The following ZBTB40 variants were observed in gnomAD, a reference collection of about 807,000 sequenced individuals.
The protein encoded by ZBTB40 is zinc finger and BTB domain containing 40, also known as zinc finger and BTB domain-containing protein 40.
ZBTB40 carries 60 observed loss-of-function variants against 117.5 expected under a neutral mutation model. The ratio of observed to expected loss-of-function variants is 0.51; its 90% CI spans 0.41 to 0.63. The LOEUF is 0.63. ZBTB40 is among the 30% of genes least tolerant of loss of function. ZBTB40 has a pLI of 0.00. For missense variants in ZBTB40, 1,287 were observed against 1,498.5 expected (o/e 0.86, Z 2.33); for synonymous variants, 525 against 577.1 (o/e 0.91, Z 1.29).
intron 1 of ZBTB40, among the ~76,000 whole-genome samples, chr1:22,443,635 AAT>A (rs1231396007): frequency 1.3e-5 from 2 of 152,218 alleles, no homozygotes; most frequent in African/African-American, 4.8e-5. Context: ...CTCTTACTTA[AAT>A]CTCTCCTGGA....
At chr1:22,505,219 G>A (rs1639046371) in intron 5 of ZBTB40, among the ~76,000 whole-genome samples, 1 of 152,178 alleles carries the variant, frequency 6.6e-6, no homozygotes, top group African/African-American at 2.4e-5. Context: ...TACATGTATT[G>A]AAATAATCCC....
chr1:22,511,985 G>T lies in ZBTB40; in HGVS notation c.2312G>T (p.Cys771Phe). ...AGCAAACAGGTGCAGTGTAAGGAGT[G>T]CAGTGAGACCAAGGATTCAAAGAAA... ...AKSKQVQCKECSETKDSKKEL... is the reference protein window; with the variant it reads ...AKSKQVQCKEFSETKDSKKEL... The change falls in exon 11 of 18, where the codon TGC becomes TTC. Residue 771 changes from cysteine to phenylalanine, a missense_variant. By Grantham distance (205) the Cys-to-Phe change is radical (BLOSUM62 -2). Coordinates refer to ENST00000375647, the MANE Select transcript of ZBTB40 (RefSeq NM_014870.4). The T allele has an allele frequency of 6.2e-7, 1 of 1,614,184 alleles. No individual in the cohort carries two copies. Among genetic ancestry groups the T allele is most frequent in the Non-Finnish European group, 8.5e-7 (1 of 1,180,048 alleles).
intron 3 of ZBTB40, among the ~76,000 whole-genome samples, chr1:22,494,279 A>T (rs1638713501): frequency 6.6e-6 from 1 of 152,260 alleles, no homozygotes; most frequent in East Asian, 1.9e-4. Flanking sequence ...ACCACCATCC[A>T]CTTGGAAGTA....
chr1:22,430,211 T>C (rs1318936758), intron 1 of ZBTB40, among the ~76,000 whole-genome samples: 1 of 152,202 alleles, frequency 6.6e-6, no homozygotes, highest in Non-Finnish European at 1.5e-5. Flanking sequence ...ACTTTGGTTT[T>C]TTGAGTTGGG....
rs143281208 is a variant in ZBTB40, at chr1:22,514,502, C to T, written c.2668+1372C>T. Among the ~76,000 whole-genome samples the T allele has an allele frequency of 1.6e-4, 25 of 152,242 alleles. 1 individual carries two copies. The highest frequency in any genetic ancestry group is 2.2e-4 in the Non-Finnish European group (15 of 68,002). ...TAGCTTTCTGGCCAGGCCTCAGGCC[C>T]GCAGGCACCTGCTCCAGGACCTTTA... is the stretch of plus-strand genomic sequence containing the variant. On this transcript the variant is annotated intron_variant, in intron 12 of 17. Transcript: ENST00000375647.
At chr1:22,439,087 C>T (rs57733295) in intron 1 of ZBTB40, among the ~76,000 whole-genome samples, 3,110 of 152,162 alleles carry the variant, frequency 0.02, 78 homozygotes, top group Admixed American at 0.064. Context: ...AGGCTGGTCT[C>T]GAACTCCTGA....
At chr1:22,455,067 CTA>C in intron 1 of ZBTB40, among the ~76,000 whole-genome samples, 1 of 152,248 alleles carries the variant, frequency 6.6e-6, no homozygotes, top group Middle Eastern at 3.4e-3. Flanking sequence ...CAAATGGCAT[CTA>C]ATTTTTTTAA....
At chr1:22,498,452 C>T (rs2124440409) in intron 3 of ZBTB40, among the ~76,000 whole-genome samples, 1 of 152,328 alleles carries the variant, frequency 6.6e-6, no homozygotes, top group South Asian at 2.1e-4. Flanking sequence ...AGTGTTGGCA[C>T]TGGTGTAGGT....
At chr1:22,449,755 C>T (rs1043539877), upstream of ZBTB40, among the ~76,000 whole-genome samples, 1 of 152,198 alleles carries the variant, frequency 6.6e-6, no homozygotes, top group African/African-American at 2.4e-5. Flanking sequence ...CACTTGGTGG[C>T]CACTTTTCTT....
At chr1:22,486,512 G>A (rs1056150956) in intron 1 of ZBTB40, among the ~76,000 whole-genome samples, 3 of 152,206 alleles carry the variant, frequency 2.0e-5, no homozygotes, top group African/African-American at 7.2e-5. Context: ...AGCAAGAGGG[G>A]ATTTTTCTTC....
chr1:22,516,452 A>G (rs1334642334), intron 12 of ZBTB40, among the ~76,000 whole-genome samples: 2 of 125,270 alleles, frequency 1.6e-5, no homozygotes, highest in Non-Finnish European at 3.3e-5. Context: ...CAGATGGTGT[A>G]TGAGGCACTG....
At chr1:22,437,204 G>A (rs887380581) in intron 1 of ZBTB40, among the ~76,000 whole-genome samples, 1 of 152,100 alleles carries the variant, frequency 6.6e-6, no homozygotes, top group African/African-American at 2.4e-5. Flanking sequence ...AAACAGACAG[G>A]TGGATACAGA....
intron 1 of ZBTB40, among the ~76,000 whole-genome samples, chr1:22,470,852 A>G (rs1641387336): frequency 6.6e-6 from 1 of 152,208 alleles, no homozygotes; most frequent in Non-Finnish European, 1.5e-5. Flanking sequence ...AATGGTAAAG[A>G]CAGAGGCACC....
chr1:22,479,423 C>A, intron 1 of ZBTB40, among the ~76,000 whole-genome samples: 1 of 152,084 alleles, frequency 6.6e-6, no homozygotes, highest in South Asian at 2.1e-4. Context: ...TCAGCCTGAC[C>A]TGATAGTTTA....
intron 11 of ZBTB40, 75 bp from the exon 12 acceptor site, chr1:22,512,849 T>G: frequency 6.5e-7 from 1 of 1,546,728 alleles, no homozygotes; most frequent in Non-Finnish European, 8.9e-7. Context: ...GACAGTGCTC[T>G]TGGTATCCTG....
At position 22,522,429 on chromosome 1, in the gene ZBTB40, C is replaced by T; in HGVS notation, c.3264C>T (p.Ala1088=). Residue 1088 remains alanine (A), a synonymous_variant, in exon 16 of 18, where the codon GCC becomes GCT. Transcript: ENST00000375647. ...GTAAGGAGCTCTTCCCCACGCCAGC[C>T]TTGCTGCAGGTTCATGTCAAGTGCC... ...DQCKELFPTP[A]LLQVHVKCQH... is the part of the protein sequence containing the mutation. 6.2e-7 allele frequency: 1 copy of T among 1,614,218 alleles called. No individual in the cohort carries two copies. The highest frequency in any genetic ancestry group is 8.5e-7 in the Non-Finnish European group (1 of 1,180,034).
At chr1:22,507,604 C>G (rs1569862313) in intron 6 of ZBTB40, among the ~76,000 whole-genome samples, 1 of 152,312 alleles carries the variant, frequency 6.6e-6, no homozygotes, top group East Asian at 1.9e-4. Flanking sequence ...AACCACGGGT[C>G]AGCTTCACAC....
chr1:22,458,992 T>C (rs1388561355), intron 1 of ZBTB40, among the ~76,000 whole-genome samples: 3 of 152,216 alleles, frequency 2.0e-5, no homozygotes, highest in Admixed American at 6.5e-5. Flanking sequence ...GTTTCTCCTG[T>C]CTTGCTAACA....
intron 17 of ZBTB40, 52 bp downstream of exon 17, chr1:22,524,496 G>A (rs1226029442): frequency 1.3e-6 from 2 of 1,582,412 alleles, no homozygotes; most frequent in East Asian, 4.5e-5. Flanking sequence ...GGTTCCTAAG[G>A]CTTCTCTAGA....
Sources: gnomAD v4.1 joint callset for allele counts (sites outside exome capture counted in the v4.1 genomes callset) on GRCh38, gnomAD v4.1.1 for gene constraint, MANE v1.5 for transcripts, NCBI Gene and HGNC (gene_info 2026-07-23, HGNC 2026-07-21) for gene names.